The following EYS variants were observed in gnomAD, a reference collection of about 807,000 sequenced individuals.
EYS encodes the protein EGF-like photoreceptor maintenance factor.
A neutral mutation model predicts 282.1 loss-of-function variants in EYS; 250 were observed. The observed-to-expected ratio is 0.89, with a 90% CI of 0.80 to 0.98. EYS has a LOEUF of 0.98. Ranked by LOEUF, EYS falls within the 50% of genes least tolerant of loss-of-function variation. The probability of loss-of-function intolerance (pLI) is 0.00; values close to 1 mark genes in which losing one functional copy is unlikely to be tolerated. For missense variants in EYS, 4,016 were observed against 3,709.0 expected (o/e 1.08, Z -2.15); for synonymous variants, 1,355 against 1,282.9 (o/e 1.06, Z -1.20).
In EYS at chr6:64,711,888, A is replaced by G. The variant is rs536977873; in HGVS notation, c.3444-85643T>C. Among the ~76,000 whole-genome samples, 3 of 152,270 alleles carry G rather than the reference A, an allele frequency of 2.0e-5. No homozygotes were observed. The South Asian group carries it at 6.2e-4, about 32-fold the overall frequency. On this transcript the variant is annotated intron_variant, in intron 22 of 42. Transcript: ENST00000503581. ...GGAGTGCATTCTGACTGGTTTGTGA[A>G]TATGCAAAAATGGTTAAAGCAAAGA...
chr6:64,222,720 T>C (rs1766139609), intron 31 of EYS, among the ~76,000 whole-genome samples: 1 of 152,026 alleles, frequency 6.6e-6, no homozygotes, highest in Admixed American at 6.6e-5. Context: ...TGGAAAAGCA[T>C]AGTGTTTTCT....
At chr6:65,159,608 G>T (rs1224433208) in intron 12 of EYS, among the ~76,000 whole-genome samples, 1 of 150,722 alleles carries the variant, frequency 6.6e-6, no homozygotes, top group African/African-American at 2.4e-5. Context: ...AGTTTTCCCA[G>T]ATAAGTCAAA....
intron 1 of EYS, among the ~76,000 whole-genome samples, chr6:65,671,408 CAAATTAGTTT>C (rs1025642855): frequency 2.2e-4 from 33 of 151,782 alleles, no homozygotes; most frequent in African/African-American, 6.3e-4. Context: ...TTGTGTTCTG[CAAATTAGTTT>C]ACCTAAAAAG....
At position 64,590,926 on chromosome 6, in the gene EYS, T is replaced by G. The variant is rs1361251812; in HGVS notation, c.4941A>C (p.Glu1647Asp). The G allele has an allele frequency of 6.4e-7, 1 of 1,550,710 alleles. No homozygotes were observed. The highest frequency in any genetic ancestry group is 8.7e-7 in the Non-Finnish European group (1 of 1,146,616). The change falls in exon 26 of 43, where the codon GAA becomes GAC. Residue 1647 changes from glutamate (E) to aspartate (D), a missense_variant. Transcript: ENST00000503581. ...CCAAATTACTTGATAGGGTAATGGA[T>G]TCTTCCAAGGATGAGGATAAAATTG... is the stretch of plus-strand genomic sequence containing the variant. The part of the protein sequence containing the change: ...KRTILSSSLE[E>D]SITLSSNLDV...
intron 2 of EYS, among the ~76,000 whole-genome samples, chr6:65,593,830 T>A (rs899032517): frequency 5.9e-5 from 9 of 151,936 alleles, no homozygotes; most frequent in African/African-American, 1.7e-4. Flanking sequence ...TATAATGCAA[T>A]AATATTTTGC....
chr6:64,711,165 T>G lies in EYS; in HGVS notation c.3444-84920A>C, dbSNP rs573163652. Among the ~76,000 whole-genome samples the G allele has an allele frequency of 8.8e-4, 134 of 152,288 alleles. 1 individual carries two copies. Among genetic ancestry groups the G allele is most frequent in the African/African-American group, 3.0e-3 (126 of 41,566 alleles). On this transcript the variant is annotated intron_variant, in intron 22 of 42. Coordinates refer to ENST00000503581, the MANE Select transcript of EYS (RefSeq NM_001142800.2). ...AAAAGACATTGTTTACCTCAAAAAT[T>G]GATTGCACCAATATTTGATTTACAA... is the stretch of plus-strand genomic sequence containing the variant.
At chr6:64,368,452 C>G (rs574878952) in intron 29 of EYS, among the ~76,000 whole-genome samples, 4 of 152,154 alleles carry the variant, frequency 2.6e-5, no homozygotes, top group African/African-American at 9.6e-5. Flanking sequence ...TCTAGGAATC[C>G]AATAATGGGA....
At chr6:64,989,799 T>TACAC (rs3033931) in intron 14 of EYS, among the ~76,000 whole-genome samples, 84 of 140,150 alleles carry the variant, frequency 6.0e-4, no homozygotes, top group African/African-American at 7.3e-4. Context: ...TATATATTCA[T>TACAC]ACACACACAC....
chr6:65,149,608 T>C (rs1424159941), intron 12 of EYS, among the ~76,000 whole-genome samples: 1 of 151,794 alleles, frequency 6.6e-6, no homozygotes, highest in East Asian at 2.0e-4. Flanking sequence ...CTGGCTGGAC[T>C]TCATTGTCCA....
intron 31 of EYS, among the ~76,000 whole-genome samples, chr6:64,185,965 C>T (rs563056210): frequency 1.3e-4 from 20 of 152,192 alleles, no homozygotes; most frequent in South Asian, 4.1e-4. Flanking sequence ...CTTTTCACAA[C>T]GCCGGGCTAA....
At chr6:65,641,947 GA>G (rs1767289504) in intron 1 of EYS, among the ~76,000 whole-genome samples, 1 of 152,062 alleles carries the variant, frequency 6.6e-6, no homozygotes, top group Non-Finnish European at 1.5e-5. Context: ...AAAAGATTTA[GA>G]AACAACTGAG....
intron 8 of EYS, 34 bp from the exon 9 acceptor site, chr6:65,353,651 C>A (rs77084212): frequency 3.5e-4 from 545 of 1,578,426 alleles, no homozygotes; most frequent in Middle Eastern, 6.7e-4. Flanking sequence ...ATGGTAAATT[C>A]TTTTTTGATA....
intron 18 of EYS, among the ~76,000 whole-genome samples, 189 bp downstream of exon 18, chr6:64,901,924 G>T (rs1336842749): frequency 6.6e-6 from 1 of 152,110 alleles, no homozygotes; most frequent in East Asian, 1.9e-4. Context: ...CTAACAGTAA[G>T]ATTGGTAAAT....
chr6:63,813,186 C>G (rs1457690188), intron 36 of EYS, among the ~76,000 whole-genome samples: 1 of 152,052 alleles, frequency 6.6e-6, no homozygotes, highest in East Asian at 1.9e-4. Flanking sequence ...CACCGTGTTG[C>G]CCAGGCTGGT....
At chr6:65,235,276 G>A (rs969275396) in intron 12 of EYS, among the ~76,000 whole-genome samples, 1 of 152,066 alleles carries the variant, frequency 6.6e-6, no homozygotes, top group Non-Finnish European at 1.5e-5. Context: ...TATGCAGAGA[G>A]GTTGTCATCC....
intron 30 of EYS, among the ~76,000 whole-genome samples, chr6:64,293,784 T>C (rs1768800405): frequency 6.6e-6 from 1 of 152,012 alleles, no homozygotes; most frequent in South Asian, 2.1e-4. Context: ...TAAACGTCCA[T>C]TTCTCTGCTT....
intron 12 of EYS, among the ~76,000 whole-genome samples, chr6:65,066,923 C>A (rs1303258587): frequency 6.6e-6 from 1 of 152,058 alleles, no homozygotes; most frequent in Non-Finnish European, 1.5e-5. Flanking sequence ...TGATATGTAA[C>A]ATTTAGCATA....
intron 9 of EYS, among the ~76,000 whole-genome samples, chr6:65,347,797 G>C (rs1306198345): frequency 6.6e-6 from 1 of 150,950 alleles, no homozygotes; most frequent in African/African-American, 2.4e-5. Flanking sequence ...GTCACCCTGT[G>C]GTTCTATCAG....
intron 31 of EYS, among the ~76,000 whole-genome samples, chr6:64,189,683 G>T (rs1336689259): frequency 1.3e-5 from 2 of 152,062 alleles, no homozygotes; most frequent in African/African-American, 4.8e-5. Context: ...AATAAGAAAA[G>T]CTGAGGTTTT....
Sources: allele counts gnomAD v4.1 joint callset (sites outside exome capture counted in the v4.1 genomes callset), GRCh38; gene constraint gnomAD v4.1.1; transcripts MANE v1.5; gene names NCBI Gene and HGNC (gene_info 2026-07-23, HGNC 2026-07-21).